HDAC9: variants seen among roughly 807,000 people sequenced by gnomAD.
HDAC9 encodes the protein histone deacetylase 9.
HDAC9 carries 41 observed loss-of-function variants against 139.4 expected under a neutral mutation model. That is an observed-to-expected ratio of 0.29 (90% CI 0.23 to 0.38). The LOEUF is 0.38. HDAC9 is among the 10% of genes least tolerant of loss of function. The probability of loss-of-function intolerance (pLI) is 1.00; values close to 1 mark genes in which losing one functional copy is unlikely to be tolerated. For synonymous variants in HDAC9, 517 were observed against 476.2 expected (o/e 1.09, Z -1.12); for missense variants, 1,147 against 1,297.0 (o/e 0.88, Z 1.78).
At chr7:18,924,364 T>C (rs529453880) in intron 22 of HDAC9, among the ~76,000 whole-genome samples, 8 of 152,136 alleles carry the variant, frequency 5.3e-5, no homozygotes, top group Non-Finnish European at 8.8e-5. Context: ...AACATACAAT[T>C]GCTGTCTAAT....
chr7:18,190,666 A>G (rs1214977382), intron 2 of HDAC9, among the ~76,000 whole-genome samples: 3 of 152,318 alleles, frequency 2.0e-5, no homozygotes, highest in Middle Eastern at 6.8e-3. Context: ...TATCATTGAA[A>G]TAGCTATTAA....
chr7:18,130,465 A>G (rs985391160), intron 1 of HDAC9, among the ~76,000 whole-genome samples: 5 of 151,884 alleles, frequency 3.3e-5, no homozygotes, highest in Non-Finnish European at 5.9e-5. Context: ...TTGGTGTTTC[A>G]TTTTTCAACA....
At chr7:18,473,870 G>C (rs1794913257) in intron 1 of HDAC9, among the ~76,000 whole-genome samples, 1 of 152,170 alleles carries the variant, frequency 6.6e-6, no homozygotes, top group Admixed American at 6.5e-5. Context: ...AAGTCTAAGA[G>C]GAGCATTATA....
At chr7:18,686,543 C>T (rs554904134) in intron 12 of HDAC9, among the ~76,000 whole-genome samples, 2 of 151,870 alleles carry the variant, frequency 1.3e-5, no homozygotes. Flanking sequence ...TCTTATATTA[C>T]ATACTTGATG....
chr7:18,990,067 C>T (rs1347394983), intron 25 of HDAC9, among the ~76,000 whole-genome samples: 2 of 152,190 alleles, frequency 1.3e-5, no homozygotes, highest in African/African-American at 4.8e-5. Flanking sequence ...CAAAGTCATT[C>T]TCCGTCCAGC....
At chr7:18,889,282 A>G (rs1265143298) in intron 22 of HDAC9, among the ~76,000 whole-genome samples, 1 of 152,092 alleles carries the variant, frequency 6.6e-6, no homozygotes, top group Non-Finnish European at 1.5e-5. Context: ...TTCTCAGGTC[A>G]ATTTTCCTGA....
intron 1 of HDAC9, among the ~76,000 whole-genome samples, chr7:18,435,623 A>G (rs902438062): frequency 5.3e-5 from 8 of 150,434 alleles, no homozygotes; most frequent in African/African-American, 1.5e-4. Flanking sequence ...TCGGGGGTAC[A>G]TGTGCAGGTT....
At position 18,760,116 on chromosome 7, in the gene HDAC9, C is replaced by T. The variant is rs375165165; in HGVS notation, c.2044-2041C>T. ...ATACGATGTTAGTGGCTATGGATTT[C>T]AAAGACCCATAGAAGGAGGAGCTCG... On this transcript the variant is annotated intron_variant, in intron 14 of 25. Transcript: ENST00000686413. Among the ~76,000 whole-genome samples, 121 of 152,206 alleles carry T rather than the reference C, an allele frequency of 7.9e-4. 3 individuals carry two copies. In the South Asian group the frequency reaches 0.024, roughly 31 times the overall value.
chr7:18,394,098 A>G (rs1427594145), intron 1 of HDAC9, among the ~76,000 whole-genome samples: 1 of 152,150 alleles, frequency 6.6e-6, no homozygotes, highest in East Asian at 1.9e-4. Flanking sequence ...ATTAAAAGTG[A>G]GTGTGTCAGG....
At chr7:18,906,862 T>C (rs1490396522) in intron 22 of HDAC9, 1 of 152,260 alleles carries the variant, frequency 6.6e-6, no homozygotes, top group East Asian at 1.9e-4. Flanking sequence ...ACAGCTGATA[T>C]GGCCATGAGT....
At chr7:18,263,241 C>G (rs302187) in intron 2 of HDAC9, among the ~76,000 whole-genome samples, 1 of 151,476 alleles carries the variant, frequency 6.6e-6, no homozygotes, top group Non-Finnish European at 1.5e-5. Context: ...TGTGTCAGAC[C>G]CAATAGATTT....
chr7:18,896,504 G>T lies in HDAC9; in HGVS notation c.2803+21908G>T, dbSNP rs62448101. Among the ~76,000 whole-genome samples, 304 of 152,148 alleles carry T rather than the reference G, an allele frequency of 2.0e-3. 2 individuals are homozygous for T. Among genetic ancestry groups the T allele is most frequent in the African/African-American group, 6.1e-3 (255 of 41,526 alleles). ...TTCAGTAGCTTAGGGTCTATGGAAT[G>T]CCTCAAGTTCAAAGGAAGAGAGACA... On this transcript the variant is annotated intron_variant, in intron 22 of 25. Transcript: ENST00000686413.
At chr7:18,307,139 G>GTGTT (rs1554365752) in intron 1 of HDAC9, among the ~76,000 whole-genome samples, 12 of 109,474 alleles carry the variant, frequency 1.1e-4, no homozygotes, top group African/African-American at 4.9e-4. Context: ...GTGTGTGTGT[G>GTGTT]TGTGTTTGTA....
intron 17 of HDAC9, among the ~76,000 whole-genome samples, chr7:18,827,153 C>T (rs939327249): frequency 1.3e-5 from 2 of 151,624 alleles, no homozygotes; most frequent in African/African-American, 2.4e-5. Context: ...AACCTTCCTT[C>T]GTATATATTA....
At chr7:18,900,305 G>A (rs968987854) in intron 22 of HDAC9, among the ~76,000 whole-genome samples, 1 of 152,118 alleles carries the variant, frequency 6.6e-6, no homozygotes, top group East Asian at 1.9e-4. Flanking sequence ...GAAAACTCTA[G>A]GGTGCTTCTT....
intron 12 of HDAC9, among the ~76,000 whole-genome samples, chr7:18,715,169 T>A (rs1418855119): frequency 6.6e-6 from 1 of 152,088 alleles, no homozygotes; most frequent in Non-Finnish European, 1.5e-5. Context: ...TCATTCTATT[T>A]AAGACATTTT....
chr7:18,993,724 G>T (rs1172727048), intron 25 of HDAC9, among the ~76,000 whole-genome samples: 1 of 151,956 alleles, frequency 6.6e-6, no homozygotes, highest in Non-Finnish European at 1.5e-5. Context: ...AATGGCTTGA[G>T]CCCGGGAGGT....
At chr7:18,213,241 A>G (rs202107479) in intron 2 of HDAC9, among the ~76,000 whole-genome samples, 111 of 152,162 alleles carry the variant, frequency 7.3e-4, no homozygotes, top group Admixed American at 5.5e-3. Flanking sequence ...CCAGTGATTA[A>G]TTTTTCAATT....
At chr7:18,261,887 ATC>A (rs773853602) in intron 2 of HDAC9, among the ~76,000 whole-genome samples, 29 of 152,218 alleles carry the variant, frequency 1.9e-4, no homozygotes, top group Non-Finnish European at 3.8e-4. Context: ...CTAAATGAAA[ATC>A]TCTCTTTCAA....
Sources: allele counts gnomAD v4.1 joint callset (sites outside exome capture counted in the v4.1 genomes callset), GRCh38; gene constraint gnomAD v4.1.1; transcripts MANE v1.5; gene names NCBI Gene and HGNC (gene_info 2026-07-23, HGNC 2026-07-21).